Variants in CLMN observed in about 807,000 individuals in gnomAD.
CLMN encodes the protein calmin, also known as calmin (calponin-like, transmembrane).
Under a neutral mutation model 92.7 loss-of-function variants are expected in CLMN, and 57 were observed. That is an observed-to-expected ratio of 0.61 (90% CI 0.50 to 0.77). The LOEUF (loss-of-function observed/expected upper bound fraction) is 0.77. Ranked by LOEUF, CLMN falls within the 30% of genes least tolerant of loss-of-function variation. The probability of loss-of-function intolerance (pLI) is 0.00; values close to 1 mark genes in which losing one functional copy is unlikely to be tolerated. For missense variants in CLMN, 1,158 were observed against 1,237.5 expected, an observed-to-expected ratio of 0.94 and a Z score of 0.96; for synonymous variants, 466 against 470.6, an observed-to-expected ratio of 0.99 and a Z score of 0.13.
In CLMN at chr14:95,213,323, G is replaced by A. The variant is rs1897248591; in HGVS notation, c.504C>T (p.Ser168=). The stretch of plus-strand genomic sequence containing the variant: ...TCTCTGCAGTGGGTGTGGGTGGGAA[G>A]GATGAGTCTGAGTCTGTGCCCCCTG... ...PGSGGTDSDS[S]FPPTPTAERS... Residue 168 remains serine (S), a synonymous_variant, in exon 6 of 13, where the codon TCC becomes TCT. Transcript: ENST00000298912. 4 of 1,614,038 alleles carry A rather than the reference G, an allele frequency of 2.5e-6. No individual in the cohort carries two copies. Among genetic ancestry groups the A allele is most frequent in the Non-Finnish European group, 3.4e-6 (4 of 1,179,988 alleles).
chr14:95,267,534 C>T (rs1052067286), intron 1 of CLMN, among the ~76,000 whole-genome samples: 39 of 152,132 alleles, frequency 2.6e-4, no homozygotes, highest in Non-Finnish European at 3.1e-4. Flanking sequence ...CAGGAAATAA[C>T]GGATGCTGGT....
chr14:95,268,376 A>C (rs1273665982), intron 1 of CLMN, among the ~76,000 whole-genome samples: 2 of 105,560 alleles, frequency 1.9e-5, no homozygotes, highest in Non-Finnish European at 3.7e-5. Context: ...TATGCTATGT[A>C]AAAAAAAAAA....
At chr14:95,254,794 G>A (rs990189692) in intron 1 of CLMN, among the ~76,000 whole-genome samples, 1 of 152,138 alleles carries the variant, frequency 6.6e-6, no homozygotes, top group Non-Finnish European at 1.5e-5. Flanking sequence ...ACTTCCCAGG[G>A]CTTAAGTGAT....
chr14:95,252,635 T>C (rs1898836111), intron 1 of CLMN, among the ~76,000 whole-genome samples: 1 of 152,150 alleles, frequency 6.6e-6, no homozygotes, highest in Non-Finnish European at 1.5e-5. Flanking sequence ...TGGCCGCCAA[T>C]CCAGAAAGAC....
At chr14:95,316,083 C>T (rs756078321) in intron 1 of CLMN, among the ~76,000 whole-genome samples, 2 of 152,196 alleles carry the variant, frequency 1.3e-5, no homozygotes, top group African/African-American at 2.4e-5. Flanking sequence ...GGAGAGGGGG[C>T]AGCCAGACTA....
chr14:95,319,623 G>C, intron 1 of CLMN, 88 bp downstream of exon 1: 1 of 1,063,122 alleles, frequency 9.4e-7, no homozygotes, highest in Non-Finnish European at 1.3e-6. Flanking sequence ...GCGAGCGGGG[G>C]CGGCGCGGGG....
chr14:95,232,707 C>T (rs945673715), intron 1 of CLMN, among the ~76,000 whole-genome samples: 8 of 152,144 alleles, frequency 5.3e-5, no homozygotes, highest in African/African-American at 1.9e-4. Context: ...TGTGCTGAGA[C>T]CAGTGAGTAC....
chr14:95,220,758 C>T (rs975491235), intron 4 of CLMN, among the ~76,000 whole-genome samples: 3 of 152,220 alleles, frequency 2.0e-5, no homozygotes, highest in Admixed American at 6.5e-5. Flanking sequence ...ACATCCTGTC[C>T]GGGCCTTTGA....
intron 1 of CLMN, among the ~76,000 whole-genome samples, chr14:95,275,280 G>A (rs145578022): frequency 9.2e-5 from 14 of 152,304 alleles, no homozygotes; most frequent in African/African-American, 3.4e-4. Context: ...CAGGAGGCCG[G>A]TGCAAGACAC....
At chr14:95,266,659 C>A (rs995257150) in intron 1 of CLMN, among the ~76,000 whole-genome samples, 2 of 152,130 alleles carry the variant, frequency 1.3e-5, no homozygotes, top group African/African-American at 2.4e-5. Flanking sequence ...TATCAAAATA[C>A]CAATGACTTT....
intron 1 of CLMN, among the ~76,000 whole-genome samples, chr14:95,249,070 T>C (rs1051006614): frequency 6.9e-6 from 1 of 145,434 alleles, no homozygotes; most frequent in East Asian, 1.9e-4. Context: ...AAAAGGCACA[T>C]GGATTAAATT....
intron 1 of CLMN, among the ~76,000 whole-genome samples, chr14:95,236,390 G>A (rs1305067241): frequency 2.6e-5 from 4 of 152,160 alleles, no homozygotes; most frequent in Non-Finnish European, 4.4e-5. Flanking sequence ...AACATCTCGC[G>A]CAGCTTGGAA....
chr14:95,274,709 G>A (rs192658919), intron 1 of CLMN, among the ~76,000 whole-genome samples: 7 of 152,300 alleles, frequency 4.6e-5, no homozygotes, highest in East Asian at 1.9e-4. Context: ...AGCCGGGCGC[G>A]GTGGCTCACG....
At chr14:95,251,151 G>C (rs532969898) in intron 1 of CLMN, among the ~76,000 whole-genome samples, 1 of 151,990 alleles carries the variant, frequency 6.6e-6, no homozygotes, top group Non-Finnish European at 1.5e-5. Flanking sequence ...GTGTGTAATG[G>C]GGGGTGGGTG....
At chr14:95,315,625 A>G (rs762603820) in intron 1 of CLMN, among the ~76,000 whole-genome samples, 5 of 152,148 alleles carry the variant, frequency 3.3e-5, no homozygotes, top group Non-Finnish European at 5.9e-5. Context: ...GGGGATTCCA[A>G]TCATTTCTCT....
intron 1 of CLMN, among the ~76,000 whole-genome samples, chr14:95,237,145 A>G (rs1384624943): frequency 6.6e-6 from 1 of 152,230 alleles, no homozygotes; most frequent in African/African-American, 2.4e-5. Context: ...GGGGCTGTTG[A>G]AGAGACAATG....
At chr14:95,318,792 G>A (rs1009274538) in intron 1 of CLMN, among the ~76,000 whole-genome samples, 3 of 151,952 alleles carry the variant, frequency 2.0e-5, no homozygotes, top group African/African-American at 7.3e-5. Flanking sequence ...GCCCATATAT[G>A]AAAAAAAAGA....
At chr14:95,287,546 A>T in intron 1 of CLMN, among the ~76,000 whole-genome samples, 1 of 152,218 alleles carries the variant, frequency 6.6e-6, no homozygotes, top group East Asian at 1.9e-4. Flanking sequence ...TTGAGCACCC[A>T]TCAGAAGCAC....
intron 1 of CLMN, among the ~76,000 whole-genome samples, chr14:95,277,017 T>C (rs10129405): frequency 0.25 from 37,304 of 151,546 alleles, 5,924 homozygotes; most frequent in African/African-American, 0.45. Context: ...ATCAAAGCCA[T>C]TCAGAGAAGG....
Sources: allele counts gnomAD v4.1 joint callset (sites outside exome capture counted in the v4.1 genomes callset), GRCh38; gene constraint gnomAD v4.1.1; transcripts MANE v1.5; gene names NCBI Gene and HGNC (gene_info 2026-07-23, HGNC 2026-07-21).